Variants in SULF2 observed in about 807,000 individuals in gnomAD.
SULF2 encodes extracellular sulfatase Sulf-2.
SULF2 carries 52 observed loss-of-function variants against 107.7 expected under a neutral mutation model. The observed-to-expected ratio is 0.48, with a 90% CI of 0.39 to 0.61. The LOEUF (loss-of-function observed/expected upper bound fraction) is 0.61. SULF2 is among the 20% of genes least tolerant of loss of function. SULF2 has a pLI of 0.00. For missense variants in SULF2, 993 were observed against 1,177.3 expected (o/e 0.84, Z 2.29); for synonymous variants, 460 against 464.3 (o/e 0.99, Z 0.12).
chr20:47,774,893 C>T (rs1213786516), intron 1 of SULF2, among the ~76,000 whole-genome samples: 1 of 152,158 alleles, frequency 6.6e-6, no homozygotes, highest in African/African-American at 2.4e-5. Context: ...AAAGAAAAAG[C>T]AGGGGTGCAT....
At chr20:47,710,256 T>G (rs546329667) in intron 3 of SULF2, among the ~76,000 whole-genome samples, 8 of 148,872 alleles carry the variant, frequency 5.4e-5, no homozygotes, top group African/African-American at 2.1e-4. Flanking sequence ...CACGCTGGTC[T>G]GGAACTCCTG....
intron 3 of SULF2, among the ~76,000 whole-genome samples, chr20:47,728,972 C>G (rs867682416): frequency 6.6e-6 from 1 of 152,166 alleles, no homozygotes; most frequent in Admixed American, 6.5e-5. Flanking sequence ...AGAAACGAGA[C>G]AATCAATGAG....
intron 4 of SULF2, among the ~76,000 whole-genome samples, chr20:47,695,043 A>T (rs1453140513): frequency 6.6e-6 from 1 of 152,228 alleles, no homozygotes; most frequent in Non-Finnish European, 1.5e-5. Flanking sequence ...TGAGAAGCAT[A>T]CATAGTGGTT....
At chr20:47,748,381 T>C (rs1417267948) in intron 2 of SULF2, among the ~76,000 whole-genome samples, 1 of 152,236 alleles carries the variant, frequency 6.6e-6, no homozygotes, top group Admixed American at 6.5e-5. Context: ...TTCCCACTGC[T>C]AGGGGAGCTG....
At position 47,731,187 on chromosome 20, in the gene SULF2, CTTTTTTTTTTT is replaced by C. The variant is rs71183273; in HGVS notation, c.415+5505_415+5515del. On this transcript the variant is annotated intron_variant, in intron 3 of 20. Coordinates refer to ENST00000688720, the MANE Select transcript of SULF2 (RefSeq NM_001387048.1). Reference sequence around the variant, plus strand: ...TGCCTGCTACTCACCTGTATCTTCTCTTTTTTTTTTTTTTTTTTTTTTTGAGACAGAGTCTT... The same window carrying C: ...TGCCTGCTACTCACCTGTATCTTCTCTTTTTTTTTTTTGAGACAGAGTCTT... 6.2e-4 allele frequency among the ~76,000 whole-genome samples: 50 copies of C among 81,170 alleles called. 1 individual carries two copies. The highest frequency in any genetic ancestry group is 2.7e-3 in the African/African-American group (43 of 16,084). The allele number at this position is 81,170 out of a possible 152,430, so 53.3% of individuals were successfully genotyped here. A position where few individuals can be genotyped will look rare whatever the true frequency, so the allele number is the denominator to read the frequency against.
chr20:47,727,932 G>A (rs1408567332), intron 3 of SULF2, among the ~76,000 whole-genome samples: 4 of 152,210 alleles, frequency 2.6e-5, no homozygotes, highest in Admixed American at 2.6e-4. Flanking sequence ...AAGAAATTTC[G>A]CTTGAAGATG....
Position 47,683,064 on chromosome 20 carries a change from A to C in SULF2, c.994T>G (p.Ser332Ala). The part of the protein sequence containing the change: ...IGQFGLVKGK[S>A]MPYEFDIRVP... ...CTGATGTCAAACTCATATGGCATGG[A>C]TTTCCCTTTCACCAGGCCAAACTGG... Residue 332 changes from serine to alanine, a missense_variant, in exon 7 of 21, where the codon TCC (serine) becomes GCC (alanine). By Grantham distance (99) the Ser-to-Ala change is moderately conservative. This residue lies in a region of SULF2 where 108 missense variants were observed against 183.9 expected (regional missense o/e 0.59). Transcript: ENST00000688720. The C allele has an allele frequency of 6.2e-7, 1 of 1,613,526 alleles. No individual in the cohort carries two copies. Among genetic ancestry groups the C allele is most frequent in the Non-Finnish European group, 8.5e-7 (1 of 1,179,884 alleles).
Position 47,678,575 on chromosome 20 carries a change from G to A in SULF2, c.1193+101C>T, listed in dbSNP as rs1049550478. On this transcript the variant is annotated intron_variant, in intron 8 of 20. Transcript: ENST00000688720. The surrounding 1 kb of genome is among the most constrained non-coding windows in gnomAD (Gnocchi z 4.5). ...GCGGGACCTGAGAACCCCAGCTCCC[G>A]ACCCTTGGAGACCCCACGTTCTAGA... 13 of 1,482,868 alleles carry A rather than the reference G, an allele frequency of 8.8e-6. No individual in the cohort carries two copies. In the African/African-American group the frequency reaches 1.4e-4, roughly 16 times the overall value. 91.9% of individuals were successfully genotyped at this position (1,482,868 alleles called of 1,614,324 possible).
In SULF2 at chr20:47,680,387, G is replaced by A. The variant is rs754021272; in HGVS notation, c.1065-1583C>T. Among the ~76,000 whole-genome samples, 2 of 152,262 alleles carry A rather than the reference G, an allele frequency of 1.3e-5. No homozygotes were observed. On this transcript the variant is annotated intron_variant, in intron 7 of 20. Transcript: ENST00000688720. This position sits in a 1 kb window ranked among gnomAD's most constrained non-coding sequence, Gnocchi z 4.2. ...CAAAGTGCTGGGATTACAGGCATGA[G>A]CCACCTCTCCTGGCTCTTGTTTCTG...
In SULF2 at chr20:47,678,755, T is replaced by C. The variant is rs2087729944; in HGVS notation, c.1114A>G (p.Ile372Val). The change falls in exon 8 of 21, where the codon ATT becomes GTT. Residue 372 changes from isoleucine to valine, a missense_variant. Transcript: ENST00000688720. This position sits in a 1 kb window ranked among gnomAD's most constrained non-coding sequence, Gnocchi z 4.5. ...TCCGCAGGTATGTCCAGGCCTGCAATGTCCAGGATGGTGGGGGCCAGGTCA... is the reference window on the plus strand; with the variant it reads ...TCCGCAGGTATGTCCAGGCCTGCAACGTCCAGGATGGTGGGGGCCAGGTCA... ...NIDLAPTILD[I>V]AGLDIPADMD... 1.2e-6 allele frequency: 2 copies of C among 1,613,886 alleles called. No homozygotes were observed. Among genetic ancestry groups the C allele is most frequent in the South Asian group, 1.1e-5 (1 of 91,082 alleles).
At chr20:47,772,657 CT>C (rs758280468) in intron 1 of SULF2, among the ~76,000 whole-genome samples, 2 of 151,980 alleles carry the variant, frequency 1.3e-5, no homozygotes, top group Non-Finnish European at 2.9e-5. Flanking sequence ...AGTCCAGGCC[CT>C]ACCCCGTCTC....
At chr20:47,713,533 C>G (rs2089003570) in intron 3 of SULF2, among the ~76,000 whole-genome samples, 1 of 152,074 alleles carries the variant, frequency 6.6e-6, no homozygotes, top group Non-Finnish European at 1.5e-5. Flanking sequence ...CCTGTCTGAG[C>G]CTCAGTGAAT....
In SULF2 at chr20:47,736,744, C is replaced by A; in HGVS notation, c.374G>T (p.Arg125Leu). The A allele has an allele frequency of 6.2e-7, 1 of 1,614,200 alleles. No homozygotes were observed. The highest frequency in any genetic ancestry group is 8.5e-7 in the Non-Finnish European group (1 of 1,180,034). The change falls in exon 3 of 21, where the codon CGC (arginine) becomes CTC (leucine). Residue 125 changes from arginine (R) to leucine (L), a missense_variant. Arg to Leu is a moderately radical substitution (Grantham distance 102). Transcript: ENST00000688720. ...SPSWQAQHES[R>L]TFAVYLNSTG... ...GCTATTGAGGTACACGGCAAAGGTGCGGCTCTCGTGCTGTGCCTGCCAGGA... is the reference window on the plus strand; with the variant it reads ...GCTATTGAGGTACACGGCAAAGGTGAGGCTCTCGTGCTGTGCCTGCCAGGA...
At chr20:47,760,430 C>T (rs1457866132) in intron 1 of SULF2, among the ~76,000 whole-genome samples, 2 of 152,066 alleles carry the variant, frequency 1.3e-5, no homozygotes. Context: ...CCTCCTGGCT[C>T]TAGCGTCTCC....
intron 5 of SULF2, among the ~76,000 whole-genome samples, chr20:47,688,202 G>A (rs937927109): frequency 2.0e-5 from 3 of 152,092 alleles, no homozygotes; most frequent in South Asian, 2.1e-4. Flanking sequence ...CTAACCGTGC[G>A]CCCCGGCTCT....
chr20:47,659,980 C>G (rs1304793203), intron 18 of SULF2, among the ~76,000 whole-genome samples: 1 of 152,182 alleles, frequency 6.6e-6, no homozygotes, highest in African/African-American at 2.4e-5. Flanking sequence ...ACCCTGATGG[C>G]TTCATTCAGC....
At chr20:47,712,067 A>G (rs922768347) in intron 3 of SULF2, among the ~76,000 whole-genome samples, 3 of 152,208 alleles carry the variant, frequency 2.0e-5, no homozygotes, top group Admixed American at 6.5e-5. Context: ...ACACATATAC[A>G]CAGGATATAA....
rs775013971 is a variant in SULF2, at chr20:47,663,155, G to A, written c.2285C>T (p.Thr762Ile). The stretch of plus-strand genomic sequence containing the variant: ...GAGGAAATTGTGAGTCTCATTGATG[G>A]TCCTCATGCACCAGTACGTGTTATT... Reference protein sequence around the residue: ...ANNNTYWCMRTINETHNFLFC... With the variant: ...ANNNTYWCMRIINETHNFLFC... The change falls in exon 17 of 21, where the codon ACC becomes ATC. Residue 762 changes from threonine to isoleucine, a missense_variant. By Grantham distance (89) the Thr-to-Ile change is moderately conservative. Around this residue, in one of 3 missense-constraint regions of SULF2, gnomAD observed 497 missense variants for 544.1 expected, o/e 0.91. Coordinates refer to ENST00000688720, the MANE Select transcript of SULF2 (RefSeq NM_001387048.1). The A allele has an allele frequency of 2.5e-6, 4 of 1,614,136 alleles. No individual in the cohort carries two copies. In the Admixed American group the frequency reaches 6.7e-5, roughly 27 times the overall value.
At chr20:47,736,312 C>T (rs2089728546) in intron 3 of SULF2, among the ~76,000 whole-genome samples, 1 of 152,178 alleles carries the variant, frequency 6.6e-6, no homozygotes, top group African/African-American at 2.4e-5. Context: ...TCCCATCCCC[C>T]ACCCCTATGT....
Sources: gnomAD v4.1 joint callset for allele counts (sites outside exome capture counted in the v4.1 genomes callset) on GRCh38, gnomAD v4.1.1 for gene constraint, gnomAD v4.1.1 regional missense constraint, Gnocchi (gnomAD v3.1) non-coding constraint, MANE v1.5 for transcripts, NCBI Gene and HGNC (gene_info 2026-07-23, HGNC 2026-07-21) for gene names.